NCOR1: variants seen among roughly 807,000 people sequenced by gnomAD.
The protein encoded by NCOR1 is protein phosphatase 1, regulatory subunit 109.
In NCOR1, 63 loss-of-function variants were observed where a neutral mutation model predicts 288.1. That is an observed-to-expected ratio of 0.22 (90% CI 0.18 to 0.27). The LOEUF is 0.27. Among genes scored for constraint, NCOR1 ranks in the 10% least tolerant of loss-of-function variants. The pLI, the probability that NCOR1 is intolerant of heterozygous loss-of-function variation, is 1.00. For synonymous variants in NCOR1, 1,007 were observed against 1,065.9 expected (o/e 0.94, Z 1.08); for missense variants, 2,397 against 3,019.2 (o/e 0.79, Z 4.83).
intron 15 of NCOR1, among the ~76,000 whole-genome samples, chr17:16,125,173 G>C (rs1419116843): frequency 6.6e-6 from 1 of 152,068 alleles, no homozygotes; most frequent in Non-Finnish European, 1.5e-5. Flanking sequence ...AGATCAGCCT[G>C]GGCAACATGG....
intron 2 of NCOR1, 110 bp from the exon 3 acceptor site, chr17:16,186,797 C>T: frequency 1.1e-6 from 1 of 898,806 alleles, no homozygotes; most frequent in Non-Finnish European, 1.7e-6. Flanking sequence ...AAAGAAAGAG[C>T]AATGACTATT....
intron 9 of NCOR1, among the ~76,000 whole-genome samples, chr17:16,147,760 C>A (rs2078215478): frequency 6.6e-6 from 1 of 152,200 alleles, no homozygotes; most frequent in South Asian, 2.1e-4. Context: ...AGGCCAACAC[C>A]ATCCCTCACC....
intron 5 of NCOR1, among the ~76,000 whole-genome samples, chr17:16,163,365 A>G (rs1381815047): frequency 6.6e-6 from 1 of 152,214 alleles, no homozygotes; most frequent in African/African-American, 2.4e-5. Flanking sequence ...CTAAATGAAC[A>G]TTTATCTAAA....
chr17:16,132,525 C>T (rs2075796790), intron 14 of NCOR1, among the ~76,000 whole-genome samples: 2 of 152,158 alleles, frequency 1.3e-5, no homozygotes, highest in South Asian at 2.1e-4. Flanking sequence ...TAGAGAACCA[C>T]ACTCACTCTC....
intron 1 of NCOR1, among the ~76,000 whole-genome samples, chr17:16,195,353 C>A (rs2089538935): frequency 6.6e-6 from 1 of 152,104 alleles, no homozygotes; most frequent in African/African-American, 2.4e-5. Flanking sequence ...CGTCTGTAAT[C>A]CCAGCTACTT....
intron 11 of NCOR1, among the ~76,000 whole-genome samples, chr17:16,141,461 C>A (rs991908830): frequency 2.0e-5 from 3 of 152,074 alleles, no homozygotes; most frequent in Non-Finnish European, 4.4e-5. Flanking sequence ...TAGTTCTATA[C>A]CTCCTCCAGG....
intron 14 of NCOR1, among the ~76,000 whole-genome samples, chr17:16,129,883 A>C (rs1339108527): frequency 6.6e-6 from 1 of 152,252 alleles, no homozygotes; most frequent in African/African-American, 2.4e-5. Context: ...TCTAATGCCA[A>C]TCAGAGCTTC....
chr17:16,138,302 AGGCTGGGCGTGGT>A, intron 12 of NCOR1, 90 bp from the exon 13 acceptor site: 1 of 1,163,800 alleles, frequency 8.6e-7, no homozygotes, highest in South Asian at 1.4e-5. Context: ...GACTATGTAT[AGGCTGGGCGTGGT>A]GGCTCATGCC....
At chr17:16,200,903 G>A in intron 1 of NCOR1, among the ~76,000 whole-genome samples, 1 of 152,138 alleles carries the variant, frequency 6.6e-6, no homozygotes, top group Non-Finnish European at 1.5e-5. Context: ...TTTAAAGAAA[G>A]CCGACCTCCT....
At chr17:16,212,504 G>A (rs1484646684) in intron 1 of NCOR1, among the ~76,000 whole-genome samples, 1 of 152,102 alleles carries the variant, frequency 6.6e-6, no homozygotes. Flanking sequence ...TTATATCATA[G>A]TCTAGTAAAA....
At chr17:16,211,293 G>T (rs928162952) in intron 1 of NCOR1, among the ~76,000 whole-genome samples, 1 of 149,772 alleles carries the variant, frequency 6.7e-6, no homozygotes, top group Admixed American at 6.7e-5. Context: ...GTCTTGCTCT[G>T]TCACCCAGTC....
chr17:16,111,215 T>C (rs541488245), intron 18 of NCOR1, among the ~76,000 whole-genome samples: 1 of 152,226 alleles, frequency 6.6e-6, no homozygotes, highest in Non-Finnish European at 1.5e-5. Context: ...TCACATGCAA[T>C]AATTCACTAC....
chr17:16,207,330 T>A (rs1367096425), intron 1 of NCOR1, among the ~76,000 whole-genome samples: 3 of 152,200 alleles, frequency 2.0e-5, no homozygotes, highest in African/African-American at 7.2e-5. Flanking sequence ...GAACTGTGTA[T>A]GACAGTGATA....
At chr17:16,170,211 T>C (rs1160696731) in intron 4 of NCOR1, among the ~76,000 whole-genome samples, 3 of 152,114 alleles carry the variant, frequency 2.0e-5, no homozygotes, top group South Asian at 4.1e-4. Flanking sequence ...TTACTCTTCA[T>C]TGCATAAAAC....
intron 38 of NCOR1, 55 bp downstream of exon 38, chr17:16,058,416 G>A: frequency 6.3e-7 from 1 of 1,591,004 alleles, no homozygotes; most frequent in Non-Finnish European, 8.6e-7. Flanking sequence ...ATAATTAGAA[G>A]CAAATGATAA....
chr17:16,169,967 C>T (rs374264547), intron 4 of NCOR1, among the ~76,000 whole-genome samples: 2 of 151,978 alleles, frequency 1.3e-5, no homozygotes, highest in Admixed American at 6.5e-5. Context: ...TTCTAGCTTA[C>T]GGCAAAGAAT....
chr17:16,162,098 A>AT (rs1248641772), intron 5 of NCOR1, among the ~76,000 whole-genome samples: 1 of 151,924 alleles, frequency 6.6e-6, no homozygotes, highest in African/African-American at 2.4e-5. Context: ...CAAAAAAAAA[A>AT]TTTTTTTTAA....
intron 22 of NCOR1, chr17:16,087,466 C>G (rs1281118915): frequency 2.2e-5 from 10 of 455,942 alleles, no homozygotes; most frequent in Non-Finnish European, 3.2e-5. Context: ...TCTAAAACTC[C>G]TGGGGGCAAA....
rs1017542886 is a variant in NCOR1 at position 16,063,857 on chromosome 17, C to A, written c.5221+211G>T. On this transcript the variant is annotated intron_variant, in intron 35 of 45. Coordinates refer to ENST00000268712, the MANE Select transcript of NCOR1 (RefSeq NM_006311.4). ...CTGTTTGCACCAAATAAAAATGATA[C>A]CTTCATCATGAAAACATTTTTCCGT... 2.0e-5 allele frequency among the ~76,000 whole-genome samples: 3 copies of A among 152,212 alleles called. 1 individual carries two copies. In the East Asian group the frequency reaches 5.8e-4, roughly 29 times the overall value.
Sources: gnomAD v4.1 joint callset for allele counts (sites outside exome capture counted in the v4.1 genomes callset) on GRCh38, gnomAD v4.1.1 for gene constraint, MANE v1.5 for transcripts, NCBI Gene and HGNC (gene_info 2026-07-23, HGNC 2026-07-21) for gene names.